Variants in PTPRM observed in about 807,000 individuals in gnomAD.
PTPRM encodes the protein protein tyrosine phosphatase receptor type M.
Under a neutral mutation model 186.7 loss-of-function variants are expected in PTPRM, and 47 were observed. The observed-to-expected ratio is 0.25, with a 90% CI of 0.20 to 0.32. The LOEUF is 0.32. Among genes scored for constraint, PTPRM ranks in the 10% least tolerant of loss-of-function variants. PTPRM has a pLI of 1.00. For synonymous variants in PTPRM, 668 were observed against 674.9 expected (o/e 0.99, Z 0.16); for missense variants, 1,494 against 1,865.0 (o/e 0.80, Z 3.66).
At chr18:7,759,645 A>G (rs1361818925) in intron 1 of PTPRM, among the ~76,000 whole-genome samples, 1 of 152,182 alleles carries the variant, frequency 6.6e-6, no homozygotes, top group Non-Finnish European at 1.5e-5. Context: ...GAAATATCTA[A>G]TATCTAGTTA....
At chr18:7,889,720 G>A (rs994439052) in intron 3 of PTPRM, among the ~76,000 whole-genome samples, 3 of 136,100 alleles carry the variant, frequency 2.2e-5, no homozygotes, top group African/African-American at 9.7e-5. Flanking sequence ...GACACCCTCT[G>A]CAAATGGGTC....
rs143121970 is a variant in PTPRM, at chr18:8,144,291, G to A, written c.2300+512G>A. ...CAGCCCGACAGAAAAATGCAGCGCG[G>A]GAGCAGCTCGTGTTAGAACAAATCA... is the stretch of plus-strand genomic sequence containing the variant. On this transcript the variant is annotated intron_variant, in intron 14 of 32. Transcript: ENST00000580170. 3.5e-3 allele frequency among the ~76,000 whole-genome samples: 540 copies of A among 152,268 alleles called. 1 individual carries two copies. The highest frequency in any genetic ancestry group is 0.012 in the African/African-American group (508 of 41,550).
chr18:8,238,258 G>A (rs1463263634), intron 14 of PTPRM, among the ~76,000 whole-genome samples: 1 of 152,088 alleles, frequency 6.6e-6, no homozygotes, highest in Non-Finnish European at 1.5e-5. Context: ...GTTGCCCCAT[G>A]GTTTTGGGAT....
At chr18:7,625,638 G>A (rs1273287332) in intron 1 of PTPRM, among the ~76,000 whole-genome samples, 6 of 152,118 alleles carry the variant, frequency 3.9e-5, no homozygotes, top group Non-Finnish European at 7.4e-5. Flanking sequence ...GGGTCCAAGC[G>A]ATTCTCCTGC....
intron 1 of PTPRM, among the ~76,000 whole-genome samples, chr18:7,581,120 T>C (rs1474271072): frequency 6.6e-6 from 1 of 152,224 alleles, no homozygotes; most frequent in Non-Finnish European, 1.5e-5. Context: ...AACTTTTATA[T>C]TGAACTGAAA....
rs368006455 is a variant in PTPRM at position 8,196,990 on chromosome 18, T to C, written c.2301-47068T>C. Among the ~76,000 whole-genome samples the C allele has an allele frequency of 2.6e-5, 4 of 152,168 alleles. No individual in the cohort carries two copies. In the South Asian group the frequency reaches 8.3e-4, roughly 32 times the overall value. On this transcript the variant is annotated intron_variant, in intron 14 of 32. Coordinates refer to ENST00000580170, the MANE Select transcript of PTPRM (RefSeq NM_001105244.2). ...GTTTTGACTGTGTCTGGGTAGCCAATTGGGAGTGTATTATGTAGAAAGCCA... is the reference window on the plus strand; with the variant it reads ...GTTTTGACTGTGTCTGGGTAGCCAACTGGGAGTGTATTATGTAGAAAGCCA...
At chr18:8,313,655 T>C (rs1482333347) in intron 20 of PTPRM, among the ~76,000 whole-genome samples, 2 of 151,948 alleles carry the variant, frequency 1.3e-5, no homozygotes, top group Non-Finnish European at 2.9e-5. Flanking sequence ...AATGAGTTCT[T>C]TAGTGGTGAT....
chr18:8,118,417 A>G (rs914900557), intron 13 of PTPRM, among the ~76,000 whole-genome samples: 4 of 152,144 alleles, frequency 2.6e-5, no homozygotes, highest in Admixed American at 6.5e-5. Context: ...GTCTAGCTCA[A>G]GCTTGTACAA....
At chr18:8,279,437 G>A (rs897690400) in intron 19 of PTPRM, among the ~76,000 whole-genome samples, 9 of 152,122 alleles carry the variant, frequency 5.9e-5, no homozygotes, top group Non-Finnish European at 1.3e-4. Flanking sequence ...AATTAATTCC[G>A]CCTGTGTCAT....
chr18:8,166,563 A>G lies in PTPRM; in HGVS notation c.2300+22784A>G, dbSNP rs935209854. On this transcript the variant is annotated intron_variant, in intron 14 of 32. Transcript: ENST00000580170. ...AATCTAAATTAATAATAACACATCC[A>G]TGAACAAATGTCTTGCCACTTGTAT... 2.6e-5 allele frequency among the ~76,000 whole-genome samples: 4 copies of G among 152,346 alleles called. No homozygotes were observed. In the South Asian group the frequency reaches 6.2e-4, roughly 24 times the overall value.
chr18:8,297,458 TG>T (rs528180597), intron 20 of PTPRM, among the ~76,000 whole-genome samples: 78 of 152,178 alleles, frequency 5.1e-4, no homozygotes, highest in Admixed American at 6.5e-4. Context: ...GAATTTCCTG[TG>T]ACTGCAGAAA....
intron 11 of PTPRM, among the ~76,000 whole-genome samples, chr18:8,110,570 T>A (rs924758124): frequency 6.6e-6 from 1 of 152,188 alleles, no homozygotes; most frequent in Non-Finnish European, 1.5e-5. Context: ...AGGAGGGAGC[T>A]CCTTGCAGGT....
At chr18:8,107,458 A>C (rs1600609104) in intron 11 of PTPRM, among the ~76,000 whole-genome samples, 1 of 152,198 alleles carries the variant, frequency 6.6e-6, no homozygotes, top group Non-Finnish European at 1.5e-5. Flanking sequence ...TTCTCACCCA[A>C]CCTTTCATCT....
At chr18:7,914,060 A>AT (rs1203726296) in intron 4 of PTPRM, among the ~76,000 whole-genome samples, 1 of 152,208 alleles carries the variant, frequency 6.6e-6, no homozygotes, top group South Asian at 2.1e-4. Context: ...CCAAATTTAG[A>AT]TTTTTTAATG....
intron 13 of PTPRM, among the ~76,000 whole-genome samples, chr18:8,143,229 C>T (rs1252931184): frequency 6.6e-6 from 1 of 152,170 alleles, no homozygotes; most frequent in Admixed American, 6.5e-5. Flanking sequence ...GGAATTACTG[C>T]TTCGTTTATG....
chr18:7,694,418 TCTTCCTTC>T (rs2039798029), intron 1 of PTPRM, among the ~76,000 whole-genome samples: 1 of 141,038 alleles, frequency 7.1e-6, no homozygotes, highest in Non-Finnish European at 1.5e-5. Context: ...GAAACTCCCT[TCTTCCTTC>T]CTTCCTTTTT....
intron 11 of PTPRM, among the ~76,000 whole-genome samples, chr18:8,090,435 G>T (rs2090653624): frequency 1.3e-5 from 2 of 152,138 alleles, no homozygotes; most frequent in African/African-American, 4.8e-5. Flanking sequence ...GAAGGAAGCT[G>T]AAAGCTTAAT....
chr18:8,152,631 A>G (rs1398931439), intron 14 of PTPRM, among the ~76,000 whole-genome samples: 1 of 135,846 alleles, frequency 7.4e-6, no homozygotes, highest in Non-Finnish European at 1.6e-5. Flanking sequence ...ACCCTTCTTT[A>G]CCTATTTCTC....
intron 2 of PTPRM, among the ~76,000 whole-genome samples, chr18:7,847,901 G>A (rs186270252): frequency 6.6e-6 from 1 of 152,304 alleles, no homozygotes; most frequent in African/African-American, 2.4e-5. Flanking sequence ...CAAGGGAGTG[G>A]ACACTAAGCA....
Sources: gnomAD v4.1 joint callset for allele counts (sites outside exome capture counted in the v4.1 genomes callset) on GRCh38, gnomAD v4.1.1 for gene constraint, MANE v1.5 for transcripts, NCBI Gene and HGNC (gene_info 2026-07-23, HGNC 2026-07-21) for gene names.